The following CERS6 variants were observed in gnomAD, a reference collection of about 807,000 sequenced individuals.
CERS6 encodes the protein ceramide synthase 6.
Under a neutral mutation model 56.8 loss-of-function variants are expected in CERS6, and 26 were observed. The ratio of observed to expected loss-of-function variants is 0.46; its 90% confidence interval spans 0.34 to 0.63. CERS6 has a LOEUF of 0.63. Ranked by LOEUF, CERS6 falls within the 30% of genes least tolerant of loss-of-function variation. The probability of loss-of-function intolerance (pLI) is 0.01; values close to 1 mark genes in which losing one functional copy is unlikely to be tolerated. For missense variants in CERS6, 415 were observed against 467.5 expected (o/e 0.89, Z 1.04); for synonymous variants, 164 against 173.3 (o/e 0.95, Z 0.42).
intron 1 of CERS6, among the ~76,000 whole-genome samples, chr2:168,461,469 A>T (rs1693779498): frequency 6.6e-6 from 1 of 151,676 alleles, no homozygotes. Context: ...CAAAAAAAAA[A>T]AAAAAAAAAA....
chr2:168,692,620 G>A (rs1395345309), intron 5 of CERS6, among the ~76,000 whole-genome samples: 2 of 152,110 alleles, frequency 1.3e-5, no homozygotes, highest in Admixed American at 6.5e-5. Context: ...TATCTGTGGG[G>A]ACTCAGATCA....
At chr2:168,634,736 A>G (rs946000740) in intron 4 of CERS6, among the ~76,000 whole-genome samples, 2 of 152,182 alleles carry the variant, frequency 1.3e-5, no homozygotes, top group Admixed American at 6.5e-5. Context: ...TTGTATCACA[A>G]TTCATTTCGC....
At chr2:168,649,541 C>A (rs775585955) in intron 4 of CERS6, among the ~76,000 whole-genome samples, 1 of 151,988 alleles carries the variant, frequency 6.6e-6, no homozygotes, top group Non-Finnish European at 1.5e-5. Context: ...TATGCAGTGT[C>A]CAGAAATTCT....
At chr2:168,553,737 G>C (rs1695619330) in intron 2 of CERS6, among the ~76,000 whole-genome samples, 3 of 152,150 alleles carry the variant, frequency 2.0e-5, no homozygotes, top group African/African-American at 7.2e-5. Context: ...ATGTTTGTAA[G>C]TTTTGAATAT....
At chr2:168,701,324 A>C (rs1312422926) in intron 6 of CERS6, among the ~76,000 whole-genome samples, 1 of 152,196 alleles carries the variant, frequency 6.6e-6, no homozygotes, top group Non-Finnish European at 1.5e-5. Context: ...AATTTGTCTA[A>C]TCAGTACCTC....
At chr2:168,483,889 A>G (rs551819278) in intron 1 of CERS6, among the ~76,000 whole-genome samples, 25 of 152,282 alleles carry the variant, frequency 1.6e-4, no homozygotes, top group South Asian at 4.1e-4. Context: ...GCTGGGTCCC[A>G]CCTCCAGAAT....
intron 3 of CERS6, among the ~76,000 whole-genome samples, chr2:168,596,296 G>A (rs1683794859): frequency 6.6e-6 from 1 of 151,902 alleles, no homozygotes; most frequent in Non-Finnish European, 1.5e-5. Context: ...TGTGGAATGG[G>A]ACCTCAATAG....
chr2:168,610,098 C>T (rs1467735279), intron 3 of CERS6, among the ~76,000 whole-genome samples: 1 of 150,884 alleles, frequency 6.6e-6, no homozygotes, highest in Non-Finnish European at 1.5e-5. Flanking sequence ...CTGCTTCAGC[C>T]TCCCAAGTAG....
intron 8 of CERS6, among the ~76,000 whole-genome samples, chr2:168,763,733 T>C (rs1301533328): frequency 6.6e-6 from 1 of 152,244 alleles, no homozygotes; most frequent in Non-Finnish European, 1.5e-5. Context: ...GTTATCCACC[T>C]AGCCTCTCCT....
At chr2:168,489,034 G>T (rs995913887) in intron 1 of CERS6, among the ~76,000 whole-genome samples, 1 of 151,992 alleles carries the variant, frequency 6.6e-6, no homozygotes, top group Non-Finnish European at 1.5e-5. Context: ...TCTTTCTGAG[G>T]TTATTTCCCT....
Position 168,590,358 on chromosome 2 carries a change from A to G in CERS6, c.407+29036A>G, listed in dbSNP as rs1402557784. ...ATATAAACGATGTTATCAGAGAAAAATTACTACCAAATAAAAACGATATTT... is the reference window on the plus strand; with the variant it reads ...ATATAAACGATGTTATCAGAGAAAAGTTACTACCAAATAAAAACGATATTT... On this transcript the variant is annotated intron_variant, in intron 3 of 9. Coordinates refer to ENST00000305747, the MANE Select transcript of CERS6 (RefSeq NM_203463.3). 3.3e-5 allele frequency among the ~76,000 whole-genome samples: 5 copies of G among 152,220 alleles called. No individual in the cohort carries two copies. In the East Asian group the frequency reaches 7.7e-4, roughly 23 times the overall value.
chr2:168,619,065 T>TA (rs1684395876), intron 3 of CERS6, among the ~76,000 whole-genome samples: 1 of 152,130 alleles, frequency 6.6e-6, no homozygotes, highest in Non-Finnish European at 1.5e-5. Context: ...GCCAAATACT[T>TA]ACAGCCAACT....
chr2:168,583,726 T>A (rs747040515), intron 3 of CERS6, among the ~76,000 whole-genome samples: 18 of 152,274 alleles, frequency 1.2e-4, no homozygotes, highest in Non-Finnish European at 1.5e-4. Flanking sequence ...GGCTACAGGG[T>A]CCATTTATTC....
At chr2:168,496,143 A>G (rs13396337) in intron 1 of CERS6, among the ~76,000 whole-genome samples, 8 of 152,302 alleles carry the variant, frequency 5.3e-5, no homozygotes, top group Admixed American at 2.6e-4. Context: ...GCCACATGCT[A>G]TATATCAGTT....
intron 4 of CERS6, among the ~76,000 whole-genome samples, chr2:168,678,267 G>C (rs532307836): frequency 6.6e-6 from 1 of 152,158 alleles, no homozygotes; most frequent in Non-Finnish European, 1.5e-5. Context: ...AAAATCTGCA[G>C]ATGGCCCTTC....
intron 4 of CERS6, among the ~76,000 whole-genome samples, chr2:168,664,520 A>G (rs942446705): frequency 2.4e-4 from 36 of 152,234 alleles, no homozygotes; most frequent in African/African-American, 7.5e-4. Context: ...TGGCTACTCC[A>G]TAGACAGAGC....
At chr2:168,717,716 AT>A (rs1221862151) in intron 7 of CERS6, among the ~76,000 whole-genome samples, 155 bp from the exon 8 acceptor site, 1 of 152,200 alleles carries the variant, frequency 6.6e-6, no homozygotes, top group African/African-American at 2.4e-5. Flanking sequence ...CTGGTGCATG[AT>A]GTATGACATT....
intron 8 of CERS6, among the ~76,000 whole-genome samples, chr2:168,732,981 T>TA (rs1465493443): frequency 2.0e-5 from 3 of 152,130 alleles, no homozygotes; most frequent in African/African-American, 4.8e-5. Flanking sequence ...AAAAAAAAGA[T>TA]ACAGTGATGC....
At chr2:168,461,298 A>G (rs1251419774) in intron 1 of CERS6, among the ~76,000 whole-genome samples, 1 of 152,016 alleles carries the variant, frequency 6.6e-6, no homozygotes, top group East Asian at 1.9e-4. Flanking sequence ...AACTATGGAT[A>G]CCTGCTTTGC....
Sources: allele counts gnomAD v4.1 joint callset (sites outside exome capture counted in the v4.1 genomes callset), GRCh38; gene constraint gnomAD v4.1.1; transcripts MANE v1.5; gene names NCBI Gene and HGNC (gene_info 2026-07-23, HGNC 2026-07-21).